CWC22: variants seen among roughly 807,000 people sequenced by gnomAD.
CWC22 encodes CWC22 spliceosome associated protein, also known as pre-mRNA-splicing factor CWC22 homolog.
Under a neutral mutation model 117.2 loss-of-function variants are expected in CWC22, and 53 were observed. The observed-to-expected ratio is 0.45, with a 90% CI of 0.36 to 0.57. The LOEUF (loss-of-function observed/expected upper bound fraction) is 0.57. CWC22 is among the 20% of genes least tolerant of loss of function. CWC22 has a pLI of 0.00. For synonymous variants in CWC22, 360 were observed against 355.6 expected (o/e 1.01, Z -0.14); for missense variants, 980 against 1,068.8 (o/e 0.92, Z 1.16).
chr2:179,952,675 TTAAG>T (rs1224336576), intron 16 of CWC22, 77 bp from the exon 17 acceptor site: 2 of 769,210 alleles, frequency 2.6e-6, no homozygotes, highest in African/African-American at 3.6e-5. Context: ...ATTTGTAGGT[TTAAG>T]TGTTTCTCAA....
chr2:179,965,918 G>T lies in CWC22; in HGVS notation c.1275C>A (p.Asp425Glu). ...TDQDAGSSEE[D>E]EEEEEEEGEE... ...CTCCCTCTTCCTCTTCTTCTTCCTC[G>T]TCCTCTTCACTACTCCCAGCATCCT... is the stretch of plus-strand genomic sequence containing the variant. The change falls in exon 12 of 20, where the codon GAC becomes GAA. Residue 425 changes from aspartate to glutamate, a missense_variant. Asp to Glu is a conservative substitution (Grantham distance 45). Transcript: ENST00000410053. 1.9e-6 allele frequency: 3 copies of T among 1,598,144 alleles called. No individual in the cohort carries two copies. The highest frequency in any genetic ancestry group is 2.6e-6 in the Non-Finnish European group (3 of 1,166,630).
At chr2:179,991,046 A>G (rs991056169) in intron 2 of CWC22, among the ~76,000 whole-genome samples, 1 of 152,244 alleles carries the variant, frequency 6.6e-6, no homozygotes, top group African/African-American at 2.4e-5. Context: ...TCAGTGCAGT[A>G]GTTGAAAATA....
chr2:179,963,447 A>G (rs541588646), intron 13 of CWC22, among the ~76,000 whole-genome samples: 1 of 129,946 alleles, frequency 7.7e-6, no homozygotes, highest in South Asian at 2.6e-4. Flanking sequence ...GGTTCACGCC[A>G]TTCTCCTGCC....
chr2:179,950,892 G>T lies in CWC22; in HGVS notation c.1852C>A (p.Arg618=). Residue 618 remains arginine (R), a synonymous_variant, in exon 18 of 20, where the codon CGA becomes AGA. Transcript: ENST00000410053. ...LQPFFEGLLP[R]DNPRNTRFAI... is the part of the protein sequence containing the mutation. ...AACCGAGTGTTTCTTGGATTATCTC[G>T]GGGTAATAATCCTTCAAAGAATGGC... The T allele has an allele frequency of 1.9e-6, 3 of 1,581,886 alleles. No homozygotes were observed. Among genetic ancestry groups the T allele is most frequent in the African/African-American group, 2.7e-5 (2 of 74,040 alleles).
intron 2 of CWC22, among the ~76,000 whole-genome samples, chr2:179,993,099 A>G (rs1378713370): frequency 6.6e-6 from 1 of 152,246 alleles, no homozygotes; most frequent in East Asian, 1.9e-4. Flanking sequence ...CTAAGTATCT[A>G]CATTTAAAAT....
chr2:179,997,473 G>A (rs894138525), intron 1 of CWC22, among the ~76,000 whole-genome samples: 1 of 152,118 alleles, frequency 6.6e-6, no homozygotes. Context: ...AGGACCATTT[G>A]CCTCAACAAG....
chr2:179,988,606 T>A lies in CWC22; in HGVS notation c.66A>T (p.Ser22=), dbSNP rs369603092. 6.5e-7 allele frequency: 1 copy of A among 1,531,268 alleles called. No homozygotes were observed. The highest frequency in any genetic ancestry group is 1.3e-5 in the South Asian group (1 of 77,610). 94.9% of individuals were successfully genotyped at this position (1,531,268 alleles called of 1,614,324 possible). The change falls in exon 3 of 20, where the codon TCA becomes TCT. Residue 22 remains serine, a synonymous_variant. Coordinates refer to ENST00000410053, the MANE Select transcript of CWC22 (RefSeq NM_020943.3). ...SGHDRRENLN[S]YQRNSSPEDR... is the part of the protein sequence containing the mutation. ...CTTCTGGAGAGGAGTTCCTCTGATA[T>A]GAATTAAGGTTTTCCCTTCTGTCAT...
intron 2 of CWC22, among the ~76,000 whole-genome samples, chr2:179,989,802 T>C (rs1251444996): frequency 6.6e-6 from 1 of 152,156 alleles, no homozygotes; most frequent in Non-Finnish European, 1.5e-5. Context: ...TTTTAAGAAT[T>C]AAAATAATTT....
At chr2:179,974,295 A>G (rs964881252) in intron 6 of CWC22, among the ~76,000 whole-genome samples, 3 of 152,222 alleles carry the variant, frequency 2.0e-5, no homozygotes, top group African/African-American at 7.2e-5. Context: ...TAAAATGAAG[A>G]TGTGGAATAC....
chr2:179,988,018 G>C (rs1023370253), intron 3 of CWC22, among the ~76,000 whole-genome samples: 4 of 152,024 alleles, frequency 2.6e-5, no homozygotes, highest in Non-Finnish European at 1.5e-5. Context: ...TTCTAATAAG[G>C]AGCACACAGC....
intron 13 of CWC22, among the ~76,000 whole-genome samples, chr2:179,963,503 C>G (rs1275202632): frequency 6.7e-6 from 1 of 150,126 alleles, no homozygotes; most frequent in Non-Finnish European, 1.5e-5. Context: ...CTACCACGCC[C>G]GGCTAATTTT....
chr2:179,970,579 A>C lies in CWC22; in HGVS notation c.1148-16T>G. ...TTGAAAACATCTAAAAAAAATGTAA[A>C]AGTTAATGTTTATTTTCTATATTTA... On this transcript the variant is annotated splice_polypyrimidine_tract_variant and intron_variant, in intron 10 of 19. Transcript: ENST00000410053. 6.4e-7 allele frequency: 1 copy of C among 1,551,734 alleles called. No homozygotes were observed.
intron 14 of CWC22, among the ~76,000 whole-genome samples, chr2:179,956,658 T>C (rs1686599142): frequency 6.6e-6 from 1 of 151,166 alleles, no homozygotes; most frequent in African/African-American, 2.4e-5. Context: ...TAAATGTTTA[T>C]AAATGTGTAA....
chr2:179,998,965 T>C (rs1282333005), intron 1 of CWC22, among the ~76,000 whole-genome samples: 2 of 152,182 alleles, frequency 1.3e-5, no homozygotes, highest in Admixed American at 6.5e-5. Context: ...TATTTCAATT[T>C]ACATATTTCA....
At chr2:179,953,695 T>G (rs1686512595) in intron 16 of CWC22, among the ~76,000 whole-genome samples, 1 of 152,158 alleles carries the variant, frequency 6.6e-6, no homozygotes, top group African/African-American at 2.4e-5. Context: ...AATATATCTT[T>G]CTTTGTTCTA....
chr2:179,972,072 T>C (rs1205213148), intron 8 of CWC22, among the ~76,000 whole-genome samples: 1 of 152,214 alleles, frequency 6.6e-6, no homozygotes, highest in Non-Finnish European at 1.5e-5. Flanking sequence ...TGGTTACAGA[T>C]GTGAAATTAA....
At chr2:179,948,843 T>C (rs1328215152) in intron 19 of CWC22, among the ~76,000 whole-genome samples, 1 of 152,110 alleles carries the variant, frequency 6.6e-6, no homozygotes, top group Non-Finnish European at 1.5e-5. Context: ...AAAAACGACA[T>C]TAGTGGTAAA....
intron 5 of CWC22, among the ~76,000 whole-genome samples, chr2:179,980,797 T>C (rs1277339853): frequency 6.6e-6 from 1 of 152,212 alleles, no homozygotes; most frequent in Non-Finnish European, 1.5e-5. Context: ...CTGGCTCACC[T>C]TGCATCTGTT....
intron 5 of CWC22, among the ~76,000 whole-genome samples, chr2:179,980,696 A>C (rs1687265033): frequency 6.6e-6 from 1 of 152,162 alleles, no homozygotes; most frequent in East Asian, 1.9e-4. Flanking sequence ...CTAATCCTTG[A>C]AACAAATTTA....
Sources: allele counts gnomAD v4.1 joint callset (sites outside exome capture counted in the v4.1 genomes callset), GRCh38; gene constraint gnomAD v4.1.1; transcripts MANE v1.5; gene names NCBI Gene and HGNC (gene_info 2026-07-23, HGNC 2026-07-21).